The following CEMIP variants were observed in gnomAD, a reference collection of about 807,000 sequenced individuals.
CEMIP encodes cell migration-inducing and hyaluronan-binding protein.
In CEMIP, 105 loss-of-function variants were observed where a neutral mutation model predicts 156.9. The observed-to-expected ratio is 0.67, with a 90% confidence interval of 0.57 to 0.79. CEMIP has a LOEUF of 0.79. Ranked by LOEUF, CEMIP falls within the 30% of genes least tolerant of loss-of-function variation. The pLI, the probability that CEMIP is intolerant of heterozygous loss-of-function variation, is 0.00. For missense variants in CEMIP, 1,457 were observed against 1,769.4 expected (o/e 0.82, Z 3.17); for synonymous variants, 676 against 668.4 (o/e 1.01, Z -0.17).
chr15:80,822,751 A>G lies in CEMIP; in HGVS notation c.-176+43137A>G, dbSNP rs115990488. ...CGATTTGGTTTTATTTCCTCCTCTC[A>G]TGTTGTTTGTGGCATCAAATGAGGA... On this transcript the variant is annotated intron_variant, in intron 1 of 29. Transcript: ENST00000394685. Among the ~76,000 whole-genome samples, 142 of 152,086 alleles carry G rather than the reference A, an allele frequency of 9.3e-4. 3 individuals carry two copies. Among genetic ancestry groups the G allele is most frequent in the African/African-American group, 3.3e-3 (135 of 41,480 alleles).
intron 22 of CEMIP, among the ~76,000 whole-genome samples, 190 bp from the exon 23 acceptor site, chr15:80,933,055 G>A (rs1012806389): frequency 2.0e-5 from 3 of 152,202 alleles, no homozygotes; most frequent in Non-Finnish European, 4.4e-5. Flanking sequence ...TTGAGGCACA[G>A]TGAACCTTTG....
intron 25 of CEMIP, among the ~76,000 whole-genome samples, chr15:80,940,584 TG>T (rs1418878679): frequency 1.3e-5 from 2 of 152,214 alleles, no homozygotes; most frequent in African/African-American, 4.8e-5. Context: ...CTCTCAGCCC[TG>T]AGCACGAGGC....
chr15:80,874,026 C>T, intron 3 of CEMIP, 53 bp downstream of exon 3: 1 of 1,491,584 alleles, frequency 6.7e-7, no homozygotes, highest in Non-Finnish European at 9.1e-7. Context: ...AGGCACGGCC[C>T]CTCACTGGAG....
At chr15:80,900,482 A>T (rs1456383695) in intron 12 of CEMIP, among the ~76,000 whole-genome samples, 1 of 151,888 alleles carries the variant, frequency 6.6e-6, no homozygotes, top group Non-Finnish European at 1.5e-5. Flanking sequence ...CCTGAAGGAC[A>T]TTCGGCTCGG....
chr15:80,936,723 A>G lies in CEMIP; in HGVS notation c.3059A>G (p.Lys1020Arg), dbSNP rs1180014406. The G allele has an allele frequency of 1.2e-6, 2 of 1,614,122 alleles. No individual in the cohort carries two copies. Among genetic ancestry groups the G allele is most frequent in the African/African-American group, 2.7e-5 (2 of 74,956 alleles). The change falls in exon 24 of 30, where the codon AAG becomes AGG. Residue 1020 changes from lysine (K) to arginine (R), a missense_variant. Lys to Arg is a conservative substitution (Grantham distance 26). Coordinates refer to ENST00000394685, the MANE Select transcript of CEMIP (RefSeq NM_001293298.2). ...AGTAACCTGCGAATGAAGATCATCA[A>G]GAATGACTTCCCCAGCCACCCTCTT... ...KTSNLRMKII[K>R]NDFPSHPLYL... is the part of the protein sequence containing the mutation.
chr15:80,911,546 CA>C (rs1437201516), intron 14 of CEMIP, among the ~76,000 whole-genome samples: 4 of 152,184 alleles, frequency 2.6e-5, no homozygotes, highest in African/African-American at 9.7e-5. Context: ...CACACACACA[CA>C]CACACACACC....
rs567452384 is a variant in CEMIP at position 80,860,015 on chromosome 15, A to C, written c.-175-13523A>C. Among the ~76,000 whole-genome samples the C allele has an allele frequency of 4.6e-5, 7 of 152,216 alleles. 1 individual carries two copies. The South Asian group carries it at 1.5e-3, about 32-fold the overall frequency. On this transcript the variant is annotated intron_variant, in intron 1 of 29. Transcript: ENST00000394685. ...TTCTCCCTGTCTCCCACTCATACACAGGCACACACGCACACACACATACAC... is the reference window on the plus strand; with the variant it reads ...TTCTCCCTGTCTCCCACTCATACACCGGCACACACGCACACACACATACAC...
chr15:80,897,678 AG>A (rs1374485619), intron 12 of CEMIP, among the ~76,000 whole-genome samples: 1 of 152,210 alleles, frequency 6.6e-6, no homozygotes. Context: ...TATTTGCAAA[AG>A]GTTTCAGGGT....
intron 28 of CEMIP, among the ~76,000 whole-genome samples, chr15:80,945,479 G>A (rs765711558): frequency 6.6e-6 from 1 of 152,216 alleles, no homozygotes; most frequent in Non-Finnish European, 1.5e-5. Flanking sequence ...CCTGAATCTA[G>A]AGTGGAGGAT....
At chr15:80,807,916 T>C (rs1035832612) in intron 1 of CEMIP, among the ~76,000 whole-genome samples, 6 of 152,142 alleles carry the variant, frequency 3.9e-5, no homozygotes, top group Non-Finnish European at 8.8e-5. Context: ...GGAGCACCTG[T>C]GTGCTCCTGG....
intron 14 of CEMIP, among the ~76,000 whole-genome samples, chr15:80,912,681 A>G (rs1416697904): frequency 1.3e-5 from 2 of 152,158 alleles, no homozygotes; most frequent in Non-Finnish European, 2.9e-5. Flanking sequence ...CATCCCCCGC[A>G]TGGGAATTGG....
chr15:80,835,547 A>G (rs1459236441), intron 1 of CEMIP, among the ~76,000 whole-genome samples: 2 of 152,282 alleles, frequency 1.3e-5, no homozygotes, highest in Non-Finnish European at 2.9e-5. Flanking sequence ...GGCTCAAAGA[A>G]GGAAGCAGTT....
intron 3 of CEMIP, among the ~76,000 whole-genome samples, chr15:80,875,424 A>T (rs1042769682): frequency 3.9e-5 from 6 of 152,144 alleles, no homozygotes; most frequent in Non-Finnish European, 7.3e-5. Flanking sequence ...CAATTAACAA[A>T]CACAAAGCGA....
intron 4 of CEMIP, among the ~76,000 whole-genome samples, chr15:80,879,107 A>G (rs574545304): frequency 4.6e-5 from 7 of 152,314 alleles, no homozygotes; most frequent in African/African-American, 1.7e-4. Flanking sequence ...GTCTTGAGTA[A>G]TTCTGTTTAT....
Position 80,949,535 on chromosome 15 carries a change from A to G in CEMIP, c.*611A>G. Reference sequence around the variant, plus strand: ...GGCAGGTTTGGACTTGGACTAGATGACTCTCAAAGGCCCTTTTAGTTCTGA... The same window carrying G: ...GGCAGGTTTGGACTTGGACTAGATGGCTCTCAAAGGCCCTTTTAGTTCTGA... On this transcript the variant is annotated 3_prime_UTR_variant, in exon 30 of 30. Transcript: ENST00000394685. 1 of 167,478 alleles carries G rather than the reference A, an allele frequency of 6.0e-6. No homozygotes were observed. The highest frequency in any genetic ancestry group is 1.3e-5 in the Non-Finnish European group (1 of 75,746). The allele number at this position is 167,478 out of a possible 1,614,324, so 10.4% of individuals were successfully genotyped here.
At chr15:80,833,846 T>G (rs1897211960) in intron 1 of CEMIP, among the ~76,000 whole-genome samples, 1 of 151,986 alleles carries the variant, frequency 6.6e-6, no homozygotes, top group Non-Finnish European at 1.5e-5. Context: ...TTTTTTGTAT[T>G]TTTAGTAGAG....
In CEMIP at chr15:80,873,945, G is replaced by C; in HGVS notation, c.66G>C (p.Leu22=). ...TGCTGACCATCAGCTGGCTCACTCT[G>C]ACCTGCTTCCCTGGGGCCACATCCA... ...KAMLTISWLT[L]TCFPGATSTV... is the part of the protein sequence containing the mutation. The change falls in exon 3 of 30, where the codon CTG becomes CTC. Residue 22 remains leucine (L), a synonymous_variant. Transcript: ENST00000394685. 2 of 1,573,810 alleles carry C rather than the reference G, an allele frequency of 1.3e-6. No individual in the cohort carries two copies. Among genetic ancestry groups the C allele is most frequent in the Non-Finnish European group, 1.7e-6 (2 of 1,157,680 alleles).
intron 14 of CEMIP, among the ~76,000 whole-genome samples, chr15:80,914,577 CCT>C (rs752665495): frequency 2.6e-5 from 4 of 152,136 alleles, no homozygotes; most frequent in Non-Finnish European, 5.9e-5. Context: ...GGCTGAGCCC[CCT>C]GTGTCTTTGG....
intron 1 of CEMIP, among the ~76,000 whole-genome samples, chr15:80,838,836 T>A (rs1897322645): frequency 6.6e-6 from 1 of 152,204 alleles, no homozygotes; most frequent in Non-Finnish European, 1.5e-5. Flanking sequence ...GGCAACTTGC[T>A]TTCAGTGACT....
Sources: gnomAD v4.1 joint callset for allele counts (sites outside exome capture counted in the v4.1 genomes callset) on GRCh38, gnomAD v4.1.1 for gene constraint, MANE v1.5 for transcripts, NCBI Gene and HGNC (gene_info 2026-07-23, HGNC 2026-07-21) for gene names.